Variants in LDAH observed in about 807,000 individuals in gnomAD.
The protein encoded by LDAH is lipid droplet-associated hydrolase.
Under a neutral mutation model 29.6 loss-of-function variants are expected in LDAH, and 26 were observed. The observed-to-expected ratio is 0.88, with a 90% CI of 0.64 to 1.22. The LOEUF (loss-of-function observed/expected upper bound fraction) is 1.22, where lower values mean the gene tolerates loss of function less well. Among genes scored for constraint, LDAH ranks in the 50% most tolerant of loss-of-function variants. The probability of loss-of-function intolerance (pLI) is 0.00; values close to 1 mark genes in which losing one functional copy is unlikely to be tolerated. For missense variants in LDAH, 344 were observed against 387.3 expected (o/e 0.89, Z 0.94); for synonymous variants, 117 against 133.0 (o/e 0.88, Z 0.83).
intron 3 of LDAH, among the ~76,000 whole-genome samples, chr2:20,783,427 T>C (rs1205047166): frequency 6.6e-6 from 1 of 152,240 alleles, no homozygotes; most frequent in African/African-American, 2.4e-5. Context: ...CCACTTATAA[T>C]AGTGCAGTCT....
In LDAH at chr2:20,765,205, C is replaced by T. The variant is rs1044520322; in HGVS notation, c.468+9605G>A. 4.6e-5 allele frequency among the ~76,000 whole-genome samples: 7 copies of T among 152,138 alleles called. No individual in the cohort carries two copies. The South Asian group carries it at 6.2e-4, about 14-fold the overall frequency. ...AAAGTTCCTATTTGTCTTTCATTTT[C>T]GACATCTCTCTACGCTTGGGCTGTT... On this transcript the variant is annotated intron_variant, in intron 4 of 6. Coordinates refer to ENST00000237822, the MANE Select transcript of LDAH (RefSeq NM_021925.4).
chr2:20,778,039 T>C (rs1406145483), intron 3 of LDAH, among the ~76,000 whole-genome samples: 1 of 152,214 alleles, frequency 6.6e-6, no homozygotes, highest in African/African-American at 2.4e-5. Flanking sequence ...ACTGCCCGAA[T>C]TGGTGGATGA....
intron 5 of LDAH, among the ~76,000 whole-genome samples, chr2:20,732,347 T>A (rs1013888259): frequency 5.3e-5 from 8 of 152,146 alleles, no homozygotes; most frequent in African/African-American, 1.9e-4. Flanking sequence ...CTGTAGTTTC[T>A]TCTTTTTTTG....
At chr2:20,709,227 G>A (rs936467122) in intron 5 of LDAH, among the ~76,000 whole-genome samples, 1 of 152,016 alleles carries the variant, frequency 6.6e-6, no homozygotes, top group East Asian at 1.9e-4. Context: ...ATGTGTATGA[G>A]GTGTATATAA....
intron 6 of LDAH, among the ~76,000 whole-genome samples, chr2:20,694,619 T>C (rs189239582): frequency 4.7e-4 from 72 of 152,300 alleles, no homozygotes; most frequent in African/African-American, 1.7e-3. Context: ...CCAAAGATTT[T>C]TAAAAAGTGG....
rs74985297 is a variant in LDAH, at chr2:20,710,063, C to T, written c.704-8411G>A. Among the ~76,000 whole-genome samples, 81 of 152,030 alleles carry T rather than the reference C, an allele frequency of 5.3e-4. No individual in the cohort carries two copies. In the East Asian group the frequency reaches 0.012, roughly 23 times the overall value. On this transcript the variant is annotated intron_variant, in intron 5 of 6. Transcript: ENST00000237822. ...AAGTAGGCAGGAAATAAAGTTCACA[C>T]CAGAAATTAATGCAATTAATTAATG...
intron 4 of LDAH, among the ~76,000 whole-genome samples, chr2:20,745,433 T>C (rs796582630): frequency 3.3e-5 from 5 of 152,346 alleles, no homozygotes; most frequent in African/African-American, 1.2e-4. Context: ...TTCATATACC[T>C]GTTGGTCATT....
chr2:20,804,952 T>C (rs1671959145), intron 1 of LDAH, among the ~76,000 whole-genome samples: 1 of 152,184 alleles, frequency 6.6e-6, no homozygotes, highest in Non-Finnish European at 1.5e-5. Flanking sequence ...CAAACTACAG[T>C]ATATTTATGT....
intron 5 of LDAH, among the ~76,000 whole-genome samples, chr2:20,722,114 G>A (rs1194678739): frequency 4.6e-5 from 7 of 152,090 alleles, no homozygotes; most frequent in Admixed American, 3.9e-4. Flanking sequence ...AGTGGCTCAC[G>A]CCTGTAATCC....
At chr2:20,687,173 G>A in intron 6 of LDAH, 79 bp from the exon 7 acceptor site, 1 of 1,230,600 alleles carries the variant, frequency 8.1e-7, no homozygotes, top group Non-Finnish European at 1.2e-6. Context: ...AGCCGGCAGT[G>A]CTCTGAGGAC....
intron 6 of LDAH, among the ~76,000 whole-genome samples, chr2:20,696,693 T>A (rs557110444): frequency 6.6e-6 from 1 of 152,280 alleles, no homozygotes; most frequent in South Asian, 2.1e-4. Context: ...ATGCATCCCT[T>A]ATGGCTTAGA....
chr2:20,790,419 C>T (rs767837851), intron 2 of LDAH, 21 bp from the exon 3 acceptor site: 2 of 1,606,002 alleles, frequency 1.2e-6, no homozygotes, highest in Non-Finnish European at 1.7e-6. Flanking sequence ...AAACACAGAC[C>T]TTAGATTAAT....
intron 2 of LDAH, among the ~76,000 whole-genome samples, chr2:20,791,449 T>C (rs1164979348): frequency 6.6e-6 from 1 of 152,218 alleles, no homozygotes; most frequent in African/African-American, 2.4e-5. Context: ...TATTCAAACT[T>C]GTACAACAAC....
At chr2:20,791,025 C>A (rs1390664971) in intron 2 of LDAH, among the ~76,000 whole-genome samples, 1 of 152,166 alleles carries the variant, frequency 6.6e-6, no homozygotes, top group Non-Finnish European at 1.5e-5. Flanking sequence ...TAGTCCATTT[C>A]CATCAATATC....
chr2:20,709,023 CT>C (rs1664509423), intron 5 of LDAH, among the ~76,000 whole-genome samples: 1 of 152,224 alleles, frequency 6.6e-6, no homozygotes, highest in South Asian at 2.1e-4. Flanking sequence ...TTCTAAATAT[CT>C]TCTTAAGAAG....
intron 3 of LDAH, among the ~76,000 whole-genome samples, chr2:20,783,489 A>T (rs548928773): frequency 6.6e-6 from 1 of 152,302 alleles, no homozygotes; most frequent in East Asian, 1.9e-4. Context: ...CATATTTGTT[A>T]AGGATTGTTA....
chr2:20,704,257 T>A (rs1177921798), intron 5 of LDAH, among the ~76,000 whole-genome samples: 1 of 152,200 alleles, frequency 6.6e-6, no homozygotes, highest in Non-Finnish European at 1.5e-5. Flanking sequence ...TAGGAGTAAA[T>A]ATTCTGCATT....
chr2:20,819,869 C>A (rs997507328), intron 1 of LDAH, among the ~76,000 whole-genome samples: 11 of 152,152 alleles, frequency 7.2e-5, no homozygotes, highest in Admixed American at 2.0e-4. Flanking sequence ...AAAACCCCAT[C>A]GTCTCAGCCC....
intron 3 of LDAH, among the ~76,000 whole-genome samples, chr2:20,779,650 T>C (rs1385358443): frequency 6.6e-6 from 1 of 151,928 alleles, no homozygotes; most frequent in Non-Finnish European, 1.5e-5. Context: ...AAAACAAACC[T>C]TTTTCTGTAT....
Sources: gnomAD v4.1 joint callset for allele counts (sites outside exome capture counted in the v4.1 genomes callset) on GRCh38, gnomAD v4.1.1 for gene constraint, MANE v1.5 for transcripts, NCBI Gene and HGNC (gene_info 2026-07-23, HGNC 2026-07-21) for gene names.